DUSP13B: variants seen among roughly 807,000 people sequenced by gnomAD.
DUSP13B encodes the protein dual specificity protein phosphatase 13B.
the DUSP13B span, chr10:75,101,741 C>G: frequency 1.8e-6 from 1 of 565,254 alleles, no homozygotes; most frequent in Admixed American, 2.5e-5. Flanking sequence ...CATCTCTGAC[C>G]CAGTCGGTTC....
chr10:75,100,345 A>G, the DUSP13B span, among the ~76,000 whole-genome samples: 2 of 152,088 alleles, frequency 1.3e-5, no homozygotes, highest in Non-Finnish European at 2.9e-5. Context: ...CCCGATGCTC[A>G]GGGTGTTGCC....
chr10:75,101,228 T>C, the DUSP13B span, among the ~76,000 whole-genome samples: 2 of 152,176 alleles, frequency 1.3e-5, no homozygotes, highest in East Asian at 3.8e-4. Flanking sequence ...TGTGGTCTTG[T>C]CTTCACCAAG....
the DUSP13B span, chr10:75,097,980 C>T: frequency 7.6e-5 from 88 of 1,152,650 alleles, no homozygotes; most frequent in African/African-American, 9.4e-4. Flanking sequence ...CTAGGTGCCA[C>T]GGGGATGCTG....
chr10:75,098,147 G>A, the DUSP13B span, among the ~76,000 whole-genome samples: 3 of 152,238 alleles, frequency 2.0e-5, no homozygotes, highest in Admixed American at 2.0e-4. Flanking sequence ...GCAGATGTAT[G>A]AAGCTTTGGC....
chr10:75,094,753 T>C, the DUSP13B span: 2 of 1,614,134 alleles, frequency 1.2e-6, no homozygotes, highest in African/African-American at 2.7e-5. Context: ...TTAGGGCAGA[T>C]ATTGCGGTGG....
At chr10:75,098,909 A>G in the DUSP13B span, 3 of 1,161,074 alleles carry the variant, frequency 2.6e-6, no homozygotes, top group Non-Finnish European at 3.2e-6. Flanking sequence ...TCCATCCCCA[A>G]GCCTTTCAGT....
chr10:75,109,065 C>T, the DUSP13B span: 1 of 1,612,444 alleles, frequency 6.2e-7, no homozygotes, highest in African/African-American at 1.3e-5. Flanking sequence ...AAGAAGACTT[C>T]CCTGCCCGCA....
At chr10:75,097,489 C>T in the DUSP13B span, among the ~76,000 whole-genome samples, 3 of 152,204 alleles carry the variant, frequency 2.0e-5, no homozygotes, top group African/African-American at 2.4e-5. Context: ...GGATTACAGG[C>T]GTGAGCCACC....
At chr10:75,098,239 G>A in the DUSP13B span, among the ~76,000 whole-genome samples, 1 of 152,164 alleles carries the variant, frequency 6.6e-6, no homozygotes, top group Non-Finnish European at 1.5e-5. Flanking sequence ...TTGTAGGGAT[G>A]AAAGCCCCAG....
At chr10:75,102,112 C>G in the DUSP13B span, 1 of 450,880 alleles carries the variant, frequency 2.2e-6, no homozygotes, top group Non-Finnish European at 4.1e-6. Flanking sequence ...GGCCTCTGTC[C>G]CAGCACTGCT....
chr10:75,098,468 C>T, the DUSP13B span, among the ~76,000 whole-genome samples: 39,541 of 152,130 alleles, frequency 0.26, 5,683 homozygotes, highest in East Asian at 0.61. Context: ...CTCTTATAAG[C>T]CTGATGCCTC....
At chr10:75,103,849 G>A in the DUSP13B span, 2 of 1,259,254 alleles carry the variant, frequency 1.6e-6, no homozygotes, top group East Asian at 5.7e-5. Flanking sequence ...GGGGTCCCTG[G>A]CCAAGAAGCC....
chr10:75,105,718 T>G, the DUSP13B span: 2 of 1,553,792 alleles, frequency 1.3e-6, no homozygotes, highest in Non-Finnish European at 1.7e-6. Flanking sequence ...GCAGAGCTGG[T>G]GCAGGAAGCC....
the DUSP13B span, chr10:75,097,594 G>T: frequency 1.1e-6 from 1 of 920,566 alleles, no homozygotes; most frequent in Non-Finnish European, 1.5e-6. Flanking sequence ...GAAAGAGACG[G>T]TGGGAGGCAA....
the DUSP13B span, among the ~76,000 whole-genome samples, chr10:75,102,421 C>T: frequency 6.6e-5 from 10 of 151,468 alleles, no homozygotes; most frequent in East Asian, 7.8e-4. Context: ...CCAGCCTGGG[C>T]GACAGGGCGA....
At chr10:75,098,021 T>C in the DUSP13B span, 3 of 747,638 alleles carry the variant, frequency 4.0e-6, no homozygotes, top group Non-Finnish European at 6.1e-6. Flanking sequence ...TCACATGAGG[T>C]ATTAACAAGC....
chr10:75,101,822 C>T, the DUSP13B span: 1 of 1,306,750 alleles, frequency 7.7e-7, no homozygotes, highest in East Asian at 4.6e-5. Flanking sequence ...CCAGCATGCT[C>T]AGGGACCACA....
chr10:75,102,302 G>C, the DUSP13B span, among the ~76,000 whole-genome samples: 4 of 152,286 alleles, frequency 2.6e-5, no homozygotes, highest in African/African-American at 7.2e-5. Flanking sequence ...GGCTAGCCGG[G>C]CGTGGTGGTG....
chr10:75,099,028 TA>T, the DUSP13B span: 1 of 1,232,358 alleles, frequency 8.1e-7, no homozygotes, highest in Non-Finnish European at 1.0e-6. Context: ...TTTTCCTCCT[TA>T]CCCCCACGAC....
Sources: gnomAD v4.1 joint callset for allele counts (sites outside exome capture counted in the v4.1 genomes callset) on GRCh38, gnomAD v4.1.1 for gene constraint, MANE v1.5 for transcripts, NCBI Gene and HGNC (gene_info 2026-07-23, HGNC 2026-07-21) for gene names.